The following TMEM125 variants were observed in gnomAD, a reference collection of about 807,000 sequenced individuals.
TMEM125 encodes the protein transmembrane protein 125.
A neutral mutation model predicts 8.7 loss-of-function variants in TMEM125; 11 were observed. The observed-to-expected ratio is 1.26, with a 90% CI of 0.79 to 2.08. TMEM125 has a LOEUF of 2.08. Ranked by LOEUF, TMEM125 falls within the 30% of genes most tolerant of loss-of-function variation. The probability of loss-of-function intolerance (pLI) is 0.00; values close to 1 mark genes in which losing one functional copy is unlikely to be tolerated. For synonymous variants in TMEM125, 144 were observed against 146.1 expected (o/e 0.99, Z 0.10); for missense variants, 270 against 302.4 (o/e 0.89, Z 0.79).
In TMEM125 at chr1:43,273,198, C is replaced by T. The variant is rs373224157; in HGVS notation, c.476C>T (p.Ser159Leu). The T allele has an allele frequency of 1.9e-5, 31 of 1,614,066 alleles. No homozygotes were observed. The highest frequency in any genetic ancestry group is 3.3e-4 in the Middle Eastern group (2 of 6,084). Residue 159 changes from serine (S) to leucine (L), a missense_variant, in exon 4 of 4, where the codon TCG becomes TTG. Transcript: ENST00000439858. Reference sequence around the variant, plus strand: ...GGCATTGCTCTGGCTGCCTTGGGCTCGCTTTTGCTGCTGGGCCTGCTGCTG... The same window carrying T: ...GGCATTGCTCTGGCTGCCTTGGGCTTGCTTTTGCTGCTGGGCCTGCTGCTG... ...SVGIALAALG[S>L]LLLLGLLLYQ...
At chr1:43,270,957 A>G (rs1385675183) in intron 2 of TMEM125, 164 bp downstream of exon 2, 1 of 152,084 alleles carries the variant, frequency 6.6e-6, no homozygotes, top group Non-Finnish European at 1.5e-5. Context: ...GAATGCTGGG[A>G]CTGACTCCAC....
rs1646485057 is a variant in TMEM125 at position 43,270,687 on chromosome 1, C to T, written c.-408C>T. 6.5e-6 allele frequency: 1 copy of T among 152,908 alleles called. No individual in the cohort carries two copies. Among genetic ancestry groups the T allele is most frequent in the South Asian group, 2.1e-4 (1 of 4,834 alleles). The allele number at this position is 152,908 out of a possible 1,614,324, so 9.5% of individuals were successfully genotyped here. A position where few individuals can be genotyped will look rare whatever the true frequency, so the allele number is the denominator to read the frequency against. On this transcript the variant is annotated 5_prime_UTR_variant, in exon 2 of 4. Transcript: ENST00000439858. ...TTCATCCTCCTCCCGGCAGGCTCAC[C>T]TGAGTGCAGGTTAGGCAGGTGAAGT...
Position 43,272,845 on chromosome 1 carries a change from C to T in TMEM125, c.123C>T (p.Ala41=), listed in dbSNP as rs768720885. The change falls in exon 4 of 4, where the codon GCC becomes GCT. Residue 41 remains alanine (A), a synonymous_variant. Coordinates refer to ENST00000439858, the MANE Select transcript of TMEM125 (RefSeq NM_144626.3). The surrounding 1 kb of genome is among the most constrained non-coding windows in gnomAD (Gnocchi z 5.0). ...PRRSALCFVV[A]VGLVAGCGAG... is the part of the protein sequence containing the mutation. ...GCTCGGCGCTCTGCTTCGTCGTGGC[C>T]GTGGGCCTCGTGGCAGGCTGTGGCG... 1.6e-5 allele frequency: 25 copies of T among 1,577,396 alleles called. No homozygotes were observed. In the African/African-American group the frequency reaches 3.0e-4, roughly 19 times the overall value.
chr1:43,273,346 T>A lies in TMEM125; in HGVS notation c.624T>A (p.Arg208=). The change falls in exon 4 of 4, where the codon CGT becomes CGA. Residue 208 remains arginine (R), a synonymous_variant. Coordinates refer to ENST00000439858, the MANE Select transcript of TMEM125 (RefSeq NM_144626.3). ...CAGGACAGTTGTCTGCTGGCCGGCG[T>A]CACGAGACCACATCCAGCATTGCCA... The part of the protein sequence containing the change: ...SISGQLSAGR[R]HETTSSIASL... 1 of 1,610,914 alleles carries A rather than the reference T, an allele frequency of 6.2e-7. No homozygotes were observed. Among genetic ancestry groups the A allele is most frequent in the Non-Finnish European group, 8.5e-7 (1 of 1,177,342 alleles).
intron 1 of TMEM125, 162 bp from the exon 2 acceptor site, chr1:43,270,519 G>C (rs917731043): frequency 1.3e-5 from 2 of 152,314 alleles, no homozygotes; most frequent in Non-Finnish European, 2.9e-5. Flanking sequence ...CATTCCTCCT[G>C]CTGCCCAGGT....
chr1:43,270,579 T>C (rs1296487626), intron 1 of TMEM125, 102 bp from the exon 2 acceptor site: 4 of 152,744 alleles, frequency 2.6e-5, no homozygotes, highest in Admixed American at 2.6e-4. Context: ...AGCCCCTCCC[T>C]TCACAGGAAT....
Position 43,273,016 on chromosome 1 carries a change from C to T in TMEM125, c.294C>T (p.Arg98=). 1.2e-6 allele frequency: 2 copies of T among 1,612,686 alleles called. No homozygotes were observed. Among genetic ancestry groups the T allele is most frequent in the Middle Eastern group, 3.3e-4 (2 of 6,050 alleles). ...SSAVQDMNCI[R]QAHHVALLRS... ...CTGTGCAGGACATGAACTGCATCCG[C>T]CAGGCCCACCATGTGGCCCTGCTGC... is the stretch of plus-strand genomic sequence containing the variant. The change falls in exon 4 of 4, where the codon CGC becomes CGT. Residue 98 remains arginine (R), a synonymous_variant. Transcript: ENST00000439858.
At position 43,273,251 on chromosome 1, in the gene TMEM125, C is replaced by T. The variant is rs1203093244; in HGVS notation, c.529C>T (p.Pro177Ser). 7 of 1,614,084 alleles carry T rather than the reference C, an allele frequency of 4.3e-6. No individual in the cohort carries two copies. In the Middle Eastern group the frequency reaches 6.6e-4, roughly 152 times the overall value. ...TCAAGTGGGTGTGAGCGGACACTGC[C>T]CCTCCATCTGTATGGCCACTCCCTC... is the stretch of plus-strand genomic sequence containing the variant. ...LYQVGVSGHC[P>S]SICMATPSTH... is the part of the protein sequence containing the mutation. The change falls in exon 4 of 4, where the codon CCC becomes TCC. Residue 177 changes from proline to serine, a missense_variant. By Grantham distance (74) the Pro-to-Ser change is moderately conservative (BLOSUM62 -1). Coordinates refer to ENST00000439858, the MANE Select transcript of TMEM125 (RefSeq NM_144626.3).
chr1:43,273,015 G>T lies in TMEM125; in HGVS notation c.293G>T (p.Arg98Leu), dbSNP rs774265714. The T allele has an allele frequency of 5.0e-6, 8 of 1,612,502 alleles. No individual in the cohort carries two copies. Among genetic ancestry groups the T allele is most frequent in the Non-Finnish European group, 6.8e-6 (8 of 1,178,988 alleles). ...GCTGTGCAGGACATGAACTGCATCCGCCAGGCCCACCATGTGGCCCTGCTG... is the reference window on the plus strand; with the variant it reads ...GCTGTGCAGGACATGAACTGCATCCTCCAGGCCCACCATGTGGCCCTGCTG... ...SSAVQDMNCIRQAHHVALLRS... is the reference protein window; with the variant it reads ...SSAVQDMNCILQAHHVALLRS... The change falls in exon 4 of 4, where the codon CGC (arginine) becomes CTC (leucine). Residue 98 changes from arginine (R) to leucine (L), a missense_variant. By Grantham distance (102) the Arg-to-Leu change is moderately radical. Coordinates refer to ENST00000439858, the MANE Select transcript of TMEM125 (RefSeq NM_144626.3).
In TMEM125 at chr1:43,273,017, C is replaced by T. The variant is rs371584099; in HGVS notation, c.295C>T (p.Gln99Ter). 1 of 1,612,606 alleles carries T rather than the reference C, an allele frequency of 6.2e-7. No homozygotes were observed. Among genetic ancestry groups the T allele is most frequent in the African/African-American group, 1.3e-5 (1 of 74,906 alleles). Reference protein sequence around the residue: ...SAVQDMNCIRQAHHVALLRSG... With the variant: ...SAVQDMNCIR ...TGTGCAGGACATGAACTGCATCCGC[C>T]AGGCCCACCATGTGGCCCTGCTGCG... The change falls in exon 4 of 4, where the codon CAG becomes TAG. Residue 99 changes from glutamine to a stop codon, truncating the protein, a stop_gained. Transcript: ENST00000439858. LOFTEE classifies it high-confidence loss of function.
Position 43,273,549 on chromosome 1 carries a change from C to T in TMEM125, c.*167C>T, listed in dbSNP as rs1646510826. On this transcript the variant is annotated 3_prime_UTR_variant, in exon 4 of 4. Transcript: ENST00000439858. ...GTGTGATTAAAAGCCCATGTGTTCC[C>T]ACACATCCACATCATGGGAAGGTTA... 1 of 848,164 alleles carries T rather than the reference C, an allele frequency of 1.2e-6. No homozygotes were observed. Among genetic ancestry groups the T allele is most frequent in the South Asian group, 1.8e-5 (1 of 54,690 alleles). 52.5% of individuals were successfully genotyped at this position (848,164 alleles called of 1,614,324 possible).
chr1:43,272,902 C>T lies in TMEM125; in HGVS notation c.180C>T (p.Ser60=). ...GCGTGGCACTGCTGTCAACCACCAG[C>T]AGCCGCTCAGGTGAATGGCGGCTAG... is the stretch of plus-strand genomic sequence containing the variant. The part of the protein sequence containing the change: ...AGGVALLSTT[S]SRSGEWRLAT... The change falls in exon 4 of 4, where the codon AGC becomes AGT. Residue 60 remains serine, a synonymous_variant. Transcript: ENST00000439858. This position sits in a 1 kb window ranked among gnomAD's most constrained non-coding sequence, Gnocchi z 5.0. 6.3e-7 allele frequency: 1 copy of T among 1,591,256 alleles called. No individual in the cohort carries two copies. The highest frequency in any genetic ancestry group is 1.1e-5 in the South Asian group (1 of 88,782).
Position 43,272,770 on chromosome 1 carries a change from G to C in TMEM125, c.48G>C (p.Pro16=). Residue 16 remains proline (P), a synonymous_variant, in exon 4 of 4, where the codon CCG becomes CCC. Transcript: ENST00000439858. The surrounding 1 kb of genome is among the most constrained non-coding windows in gnomAD (Gnocchi z 5.0). ...AQAPGGRGLP[P]DMLAEQVELW... is the part of the protein sequence containing the mutation. The stretch of plus-strand genomic sequence containing the variant: ...CCCCAGGGGGCCGGGGGCTGCCCCC[G>C]GACATGCTGGCAGAGCAGGTGGAGC... 6.6e-7 allele frequency: 1 copy of C among 1,526,434 alleles called. No homozygotes were observed. The highest frequency in any genetic ancestry group is 8.8e-7 in the Non-Finnish European group (1 of 1,136,282). The allele number at this position is 1,526,434 out of a possible 1,614,324, so 94.6% of individuals were successfully genotyped here. A position where few individuals can be genotyped will look rare whatever the true frequency, so the allele number is the denominator to read the frequency against.
Position 43,272,872 on chromosome 1 carries a change from G to A in TMEM125, c.150G>A (p.Ala50=), listed in dbSNP as rs191085603. 1,521 of 1,584,388 alleles carry A rather than the reference G, an allele frequency of 9.6e-4. No individual in the cohort carries two copies. Among genetic ancestry groups the A allele is most frequent in the Non-Finnish European group, 1.0e-3 (1,186 of 1,162,970 alleles). The change falls in exon 4 of 4, where the codon GCG becomes GCA. Residue 50 remains alanine (A), a synonymous_variant. Coordinates refer to ENST00000439858, the MANE Select transcript of TMEM125 (RefSeq NM_144626.3). The surrounding 1 kb of genome is among the most constrained non-coding windows in gnomAD (Gnocchi z 5.0). ...VAVGLVAGCG[A]GGVALLSTTS... Reference sequence around the variant, plus strand: ...TGGGCCTCGTGGCAGGCTGTGGCGCGGGCGGCGTGGCACTGCTGTCAACCA... The same window carrying A: ...TGGGCCTCGTGGCAGGCTGTGGCGCAGGCGGCGTGGCACTGCTGTCAACCA...
chr1:43,272,795 C>A lies in TMEM125; in HGVS notation c.73C>A (p.Leu25Met). Residue 25 changes from leucine to methionine, a missense_variant, in exon 4 of 4, where the codon CTG becomes ATG. By Grantham distance (15) the Leu-to-Met change is conservative. Transcript: ENST00000439858. The surrounding 1 kb of genome is among the most constrained non-coding windows in gnomAD (Gnocchi z 5.0). ...PPDMLAEQVE[L>M]WWSQQPRRSA... ...GGACATGCTGGCAGAGCAGGTGGAG[C>A]TGTGGTGGTCCCAGCAGCCGCGGCG... is the stretch of plus-strand genomic sequence containing the variant. 1 of 1,554,214 alleles carries A rather than the reference C, an allele frequency of 6.4e-7. No individual in the cohort carries two copies. Among genetic ancestry groups the A allele is most frequent in the Admixed American group, 1.9e-5 (1 of 53,858 alleles).
Position 43,271,036 on chromosome 1 carries a change from G to C in TMEM125, c.-302+243G>C, listed in dbSNP as rs1210882932. On this transcript the variant is annotated intron_variant, in intron 2 of 3. Coordinates refer to ENST00000439858, the MANE Select transcript of TMEM125 (RefSeq NM_144626.3). The surrounding 1 kb of genome is among the most constrained non-coding windows in gnomAD (Gnocchi z 4.9). ...GCCCCCGCCCACCTCGGGGGTAGGG[G>C]TCAGCCTCTGCAGAGGAGTCTCCGG... The C allele has an allele frequency of 6.6e-6, 1 of 152,276 alleles. No individual in the cohort carries two copies. Among genetic ancestry groups the C allele is most frequent in the African/African-American group, 2.4e-5 (1 of 41,436 alleles). 9.4% of individuals were successfully genotyped at this position (152,276 alleles called of 1,614,324 possible). A position where few individuals can be genotyped will look rare whatever the true frequency, so the allele number is the denominator to read the frequency against.
rs1646513688 is a variant in TMEM125, at chr1:43,273,941, T to C, written c.*559T>C. The C allele has an allele frequency of 5.9e-6, 1 of 168,672 alleles. No individual in the cohort carries two copies. Among genetic ancestry groups the C allele is most frequent in the Non-Finnish European group, 1.4e-5 (1 of 69,346 alleles). 10.4% of individuals were successfully genotyped at this position (168,672 alleles called of 1,614,324 possible). On this transcript the variant is annotated 3_prime_UTR_variant, in exon 4 of 4. Transcript: ENST00000439858. ...TGTGGGGATGAAATGTCATTGTGTA[T>C]GGAAGGCGGGGCTCATGGCTGATTG...
Position 43,271,639 on chromosome 1 carries a change from T to C in TMEM125, c.-301-545T>C, listed in dbSNP as rs185879445. 1.3e-5 allele frequency among the ~76,000 whole-genome samples: 2 copies of C among 152,258 alleles called. No individual in the cohort carries two copies. The highest frequency in any genetic ancestry group is 2.9e-5 in the Non-Finnish European group (2 of 68,018). ...TCCAGAGCCCTCCTTTTTCCTTTGC[T>C]CCACTTTAGAGAAATCGTGGAGGAG... On this transcript the variant is annotated intron_variant, in intron 2 of 3. Coordinates refer to ENST00000439858, the MANE Select transcript of TMEM125 (RefSeq NM_144626.3). The surrounding 1 kb of genome is among the most constrained non-coding windows in gnomAD (Gnocchi z 4.9).
At chr1:43,270,513 C>T (rs1168969339) in intron 1 of TMEM125, 168 bp from the exon 2 acceptor site, 1 of 152,272 alleles carries the variant, frequency 6.6e-6, no homozygotes, top group African/African-American at 2.4e-5. Flanking sequence ...AGACGACATT[C>T]CTCCTGCTGC....
Sources: allele counts gnomAD v4.1 joint callset (sites outside exome capture counted in the v4.1 genomes callset), GRCh38; gene constraint gnomAD v4.1.1; non-coding constraint Gnocchi (gnomAD v3.1); transcripts MANE v1.5; gene names NCBI Gene and HGNC (gene_info 2026-07-23, HGNC 2026-07-21).